DCLK1: variants seen among roughly 807,000 people sequenced by gnomAD.
DCLK1 encodes the protein serine/threonine-protein kinase DCLK1.
In DCLK1, 16 loss-of-function variants were observed where a neutral mutation model predicts 86.2. The observed-to-expected ratio is 0.19, with a 90% CI of 0.13 to 0.28. DCLK1 has a LOEUF of 0.28. Among genes scored for constraint, DCLK1 ranks in the 10% least tolerant of loss-of-function variants. DCLK1 has a pLI of 1.00. For synonymous variants in DCLK1, 369 were observed against 370.5 expected, an observed-to-expected ratio of 1.00 and a Z score of 0.05; for missense variants, 590 against 940.2, an observed-to-expected ratio of 0.63 and a Z score of 4.87.
At chr13:35,914,646 G>A (rs948042531) in intron 4 of DCLK1, among the ~76,000 whole-genome samples, 2 of 150,792 alleles carry the variant, frequency 1.3e-5, no homozygotes, top group African/African-American at 2.4e-5. Flanking sequence ...AGCTGGAGAG[G>A]TCAGGGCTGC....
intron 6 of DCLK1, among the ~76,000 whole-genome samples, chr13:35,852,457 CACA>C (rs565133784): frequency 6.6e-6 from 1 of 152,312 alleles, no homozygotes; most frequent in Non-Finnish European, 1.5e-5. Context: ...TGCCCTGCCT[CACA>C]ACATGTGCTC....
chr13:35,866,804 A>T (rs76096208), intron 5 of DCLK1, among the ~76,000 whole-genome samples: 3,380 of 152,258 alleles, frequency 0.022, 63 homozygotes, highest in Non-Finnish European at 0.03. Context: ...GTTTGAGTCC[A>T]TATGATTAAT....
At chr13:35,866,573 A>G (rs1871807826) in intron 5 of DCLK1, among the ~76,000 whole-genome samples, 1 of 150,758 alleles carries the variant, frequency 6.6e-6, no homozygotes, top group African/African-American at 2.4e-5. Context: ...TATAGCTGGG[A>G]CCACAGGAAA....
intron 7 of DCLK1, among the ~76,000 whole-genome samples, 189 bp downstream of exon 7, chr13:35,838,903 C>G (rs899148739): frequency 6.6e-6 from 1 of 152,124 alleles, no homozygotes; most frequent in Non-Finnish European, 1.5e-5. Context: ...CCAACTTCCC[C>G]TTCCCATTCT....
chr13:36,013,624 T>C (rs961292690), intron 3 of DCLK1, among the ~76,000 whole-genome samples: 19 of 152,292 alleles, frequency 1.2e-4, no homozygotes, highest in Non-Finnish European at 2.6e-4. Context: ...ACCACTGCTC[T>C]CTTCAAAGCT....
intron 16 of DCLK1, among the ~76,000 whole-genome samples, chr13:35,776,300 A>T (rs2086423254): frequency 6.6e-6 from 1 of 152,212 alleles, no homozygotes; most frequent in Non-Finnish European, 1.5e-5. Context: ...TGTAGAGTTG[A>T]ATGTTTGTAA....
intron 3 of DCLK1, among the ~76,000 whole-genome samples, chr13:36,019,487 T>G (rs939706349): frequency 1.3e-5 from 2 of 152,234 alleles, no homozygotes; most frequent in African/African-American, 2.4e-5. Context: ...CAGCACAGTA[T>G]ATATACATCA....
At chr13:35,971,682 G>C (rs556917293) in intron 3 of DCLK1, among the ~76,000 whole-genome samples, 1 of 151,574 alleles carries the variant, frequency 6.6e-6, no homozygotes, top group South Asian at 2.1e-4. Flanking sequence ...AGAATCTCTT[G>C]AACCTGGGAG....
At chr13:35,897,248 G>C (rs1874061155) in intron 4 of DCLK1, among the ~76,000 whole-genome samples, 1 of 152,152 alleles carries the variant, frequency 6.6e-6, no homozygotes, top group African/African-American at 2.4e-5. Flanking sequence ...GATCTAAAAC[G>C]ATTTGCCTTT....
intron 15 of DCLK1, among the ~76,000 whole-genome samples, chr13:35,801,088 T>C (rs2086909804): frequency 6.6e-6 from 1 of 152,066 alleles, no homozygotes; most frequent in Non-Finnish European, 1.5e-5. Context: ...ATAGAGAAAA[T>C]TAGAACTAAT....
chr13:35,806,681 A>C (rs921048352), intron 14 of DCLK1, among the ~76,000 whole-genome samples: 1 of 152,178 alleles, frequency 6.6e-6, no homozygotes, highest in African/African-American at 2.4e-5. Context: ...GAACTCGTGA[A>C]AGTATCTGCT....
chr13:36,091,375 A>T (rs568070825), intron 3 of DCLK1, among the ~76,000 whole-genome samples: 30 of 152,318 alleles, frequency 2.0e-4, no homozygotes, highest in African/African-American at 6.5e-4. Context: ...AAAAAAATTT[A>T]AAAAATAATA....
intron 11 of DCLK1, among the ~76,000 whole-genome samples, chr13:35,820,936 C>G (rs1324054685): frequency 1.3e-5 from 2 of 152,212 alleles, no homozygotes; most frequent in African/African-American, 4.8e-5. Flanking sequence ...GAATGCTTAT[C>G]TTTTCTGCTT....
At chr13:36,044,460 G>A (rs1270369751) in intron 3 of DCLK1, among the ~76,000 whole-genome samples, 1 of 152,076 alleles carries the variant, frequency 6.6e-6, no homozygotes, top group Non-Finnish European at 1.5e-5. Context: ...GGGGAATGTA[G>A]GCTTCCAAAA....
chr13:35,838,795 A>C (rs576687981), intron 7 of DCLK1, among the ~76,000 whole-genome samples: 4 of 152,356 alleles, frequency 2.6e-5, no homozygotes, highest in Non-Finnish European at 2.9e-5. Flanking sequence ...AAAAGCAGCC[A>C]CGATCCCAGC....
chr13:35,852,881 A>G lies in DCLK1; in HGVS notation c.1035+1618T>C, dbSNP rs371392716. ...TAATGTCAACAACTAAGCATAAACG[A>G]CACCAATAAATCTTTAATCTGAGTT... On this transcript the variant is annotated intron_variant, in intron 6 of 16. Transcript: ENST00000360631. 2.6e-5 allele frequency among the ~76,000 whole-genome samples: 4 copies of G among 152,344 alleles called. No homozygotes were observed. In the South Asian group the frequency reaches 8.3e-4, roughly 32 times the overall value.
chr13:35,985,038 C>T (rs1879835345), intron 3 of DCLK1, among the ~76,000 whole-genome samples: 1 of 152,234 alleles, frequency 6.6e-6, no homozygotes, highest in Non-Finnish European at 1.5e-5. Flanking sequence ...CAGACAGACA[C>T]AGCCATTACA....
At chr13:35,923,517 T>A (rs530437223) in intron 4 of DCLK1, among the ~76,000 whole-genome samples, 1 of 151,744 alleles carries the variant, frequency 6.6e-6, no homozygotes, top group African/African-American at 2.4e-5. Flanking sequence ...GTCAGGAGGC[T>A]TAGGAGGGAG....
chr13:35,912,251 G>A (rs889664449), intron 4 of DCLK1, among the ~76,000 whole-genome samples: 1 of 152,082 alleles, frequency 6.6e-6, no homozygotes, highest in African/African-American at 2.4e-5. Context: ...GGCAGACAGG[G>A]GTAGGTCCGT....
Sources: gnomAD v4.1 joint callset for allele counts (sites outside exome capture counted in the v4.1 genomes callset) on GRCh38, gnomAD v4.1.1 for gene constraint, MANE v1.5 for transcripts, NCBI Gene and HGNC (gene_info 2026-07-23, HGNC 2026-07-21) for gene names.